Variants in TOGARAM2 observed in about 807,000 individuals in gnomAD.
TOGARAM2 encodes the protein TOG array regulator of axonemal microtubules 2.
TOGARAM2 carries 85 observed loss-of-function variants against 93.3 expected under a neutral mutation model. The ratio of observed to expected loss-of-function variants is 0.91; its 90% confidence interval spans 0.76 to 1.09. The LOEUF is 1.09. Ranked by LOEUF, TOGARAM2 falls within the 50% of genes least tolerant of loss-of-function variation. TOGARAM2 has a pLI of 0.00. For synonymous variants in TOGARAM2, 593 were observed against 552.8 expected, an observed-to-expected ratio of 1.07 and a Z score of -1.02; for missense variants, 1,277 against 1,334.5, an observed-to-expected ratio of 0.96 and a Z score of 0.67.
intron 4 of TOGARAM2, among the ~76,000 whole-genome samples, chr2:28,999,842 G>GC (rs1420614764): frequency 2.0e-5 from 3 of 152,170 alleles, no homozygotes; most frequent in Non-Finnish European, 2.9e-5. Flanking sequence ...AGACCTTCTG[G>GC]CCCTGGCCTC....
chr2:29,045,266 C>T (rs1329110797), intron 18 of TOGARAM2, 58 bp from the exon 19 acceptor site: 2 of 1,427,298 alleles, frequency 1.4e-6, no homozygotes, highest in Middle Eastern at 2.5e-4. Flanking sequence ...CTGCAAACCC[C>T]TAGTGCTGTC....
In TOGARAM2 at chr2:29,035,552, C is replaced by T. The variant is rs113612749; in HGVS notation, c.2314C>T (p.Arg772Trp). ...EMVEQLRELT[R>W]LLEAKDFRSR... ...GGTGGAGCAGCTACGGGAGCTGACA[C>T]GGCTGCTGGAGGCCAAGGACTTCCG... The change falls in exon 17 of 20, where the codon CGG (arginine) becomes TGG (tryptophan). Residue 772 changes from arginine (R) to tryptophan (W), a missense_variant. Physicochemically the swap from Arg to Trp is moderately radical, Grantham distance 101. Transcript: ENST00000379558. 1.1e-5 allele frequency: 17 copies of T among 1,584,894 alleles called. No individual in the cohort carries two copies. The highest frequency in any genetic ancestry group is 7.0e-5 in the South Asian group (6 of 86,020).
At chr2:28,993,682 A>AGCTGGGCTGGGT (rs753034996) in intron 1 of TOGARAM2, among the ~76,000 whole-genome samples, 16 of 152,162 alleles carry the variant, frequency 1.1e-4, no homozygotes, top group South Asian at 2.1e-4. Flanking sequence ...GCTGGGGCCA[A>AGCTGGGCTGGGT]GCTGGGCTGG....
intron 2 of TOGARAM2, among the ~76,000 whole-genome samples, chr2:28,996,682 G>T (rs1572655876): frequency 6.6e-6 from 1 of 151,372 alleles, no homozygotes. Flanking sequence ...AATTAGCTGG[G>T]CATGGTGGCA....
At chr2:29,025,342 A>G (rs1665282295) in intron 13 of TOGARAM2, among the ~76,000 whole-genome samples, 2 of 152,188 alleles carry the variant, frequency 1.3e-5, no homozygotes, top group South Asian at 4.1e-4. Flanking sequence ...CATTCCTGAC[A>G]TTCACTGAGT....
rs566215527 is a variant in TOGARAM2 at position 28,959,642 on chromosome 2, A to G, written c.-147+2945A>G. ...GTGGCGGGCGCCTGTAGTCCCAGCT[A>G]CTCAGGAGGCTGAGGCAGTGAACCT... On this transcript the variant is annotated intron_variant, in intron 1 of 6. Coordinates refer to the TOGARAM2 transcript ENST00000401723. Among the ~76,000 whole-genome samples the G allele has an allele frequency of 2.0e-5, 3 of 152,090 alleles. No individual in the cohort carries two copies. The South Asian group carries it at 6.2e-4, about 32-fold the overall frequency.
rs563185617 is a variant in TOGARAM2, at chr2:29,027,877, C to T, written c.2012+866C>T. On this transcript the variant is annotated intron_variant, in intron 14 of 19. Coordinates refer to ENST00000379558, the MANE Select transcript of TOGARAM2 (RefSeq NM_199280.4). Reference sequence around the variant, plus strand: ...CAAGCTTGGTGTCCAAGGGTGGGGACGGCCAGCCTGGTGGAGCACAGTGAG... The same window carrying T: ...CAAGCTTGGTGTCCAAGGGTGGGGATGGCCAGCCTGGTGGAGCACAGTGAG... 1.8e-4 allele frequency among the ~76,000 whole-genome samples: 25 copies of T among 142,730 alleles called. No individual in the cohort carries two copies. In the South Asian group the frequency reaches 4.7e-3, roughly 27 times the overall value. The allele number at this position is 142,730 out of a possible 152,430, so 93.6% of individuals were successfully genotyped here.
intron 19 of TOGARAM2, chr2:29,050,000 A>G (rs1299962461): frequency 6.6e-6 from 1 of 152,142 alleles, no homozygotes; most frequent in Non-Finnish European, 1.5e-5. Context: ...GTGGGGCTCT[A>G]AGGGGAAGGT....
At chr2:28,976,963 CA>C (rs1398199130), upstream of TOGARAM2, among the ~76,000 whole-genome samples, 2 of 152,162 alleles carry the variant, frequency 1.3e-5, no homozygotes, top group African/African-American at 4.8e-5. Flanking sequence ...TAAGCCAGCA[CA>C]GTGTCAGTCT....
rs1429096848 is a variant in TOGARAM2, at chr2:29,036,591, C to A, written c.2469C>A (p.Asn823Lys). The part of the protein sequence containing the change: ...PRLQDSNKKV[N>K]QWALESFAKM... The stretch of plus-strand genomic sequence containing the variant: ...TTCAGGATTCCAACAAGAAAGTGAA[C>A]CAGTGGGCGCTGGAGTCCTTCGCCA... Residue 823 changes from asparagine to lysine, a missense_variant, in exon 18 of 20, where the codon AAC becomes AAA. Physicochemically the swap from Asn to Lys is moderately conservative, Grantham distance 94. Transcript: ENST00000379558. 1 of 1,613,874 alleles carries A rather than the reference C, an allele frequency of 6.2e-7. No homozygotes were observed. The highest frequency in any genetic ancestry group is 1.3e-5 in the African/African-American group (1 of 74,898).
rs970013791 is a variant in TOGARAM2, at chr2:28,984,898, G to T, written c.-111+3360G>T. ...GTGACCATTTTGGGGAGGCCTTGAT[G>T]GGAAGCTGGAAAAGGAAGCTTTCCT... On this transcript the variant is annotated intron_variant, in intron 1 of 19. Transcript: ENST00000379558. 4.6e-5 allele frequency among the ~76,000 whole-genome samples: 7 copies of T among 152,190 alleles called. 2 individuals are homozygous for T. Among genetic ancestry groups the T allele is most frequent in the Non-Finnish European group, 1.0e-4 (7 of 68,028 alleles).
At chr2:28,978,135 G>A (rs1672063697), upstream of TOGARAM2, among the ~76,000 whole-genome samples, 1 of 152,146 alleles carries the variant, frequency 6.6e-6, no homozygotes, top group Non-Finnish European at 1.5e-5. Context: ...TCGAACCCCT[G>A]GCCTCAGGTG....
At chr2:29,024,079 T>C in intron 12 of TOGARAM2, 60 bp from the exon 13 acceptor site, 1 of 1,427,322 alleles carries the variant, frequency 7.0e-7, no homozygotes, top group Non-Finnish European at 9.6e-7. Context: ...CCATTTTCCA[T>C]GCGTCCCAGA....
intron 12 of TOGARAM2, 63 bp from the exon 13 acceptor site, chr2:29,024,076 C>T: frequency 7.1e-7 from 1 of 1,408,520 alleles, no homozygotes; most frequent in African/African-American, 1.4e-5. Context: ...GGCCCATTTT[C>T]CATGCGTCCC....
intron 8 of TOGARAM2, among the ~76,000 whole-genome samples, chr2:29,016,128 G>A (rs904139143): frequency 2.0e-5 from 3 of 152,062 alleles, no homozygotes; most frequent in Admixed American, 6.6e-5. Flanking sequence ...CTCCCCAGGG[G>A]CCCACTCAAC....
intron 17 of TOGARAM2, among the ~76,000 whole-genome samples, 188 bp downstream of exon 17, chr2:29,035,844 A>G (rs376246659): frequency 1.2e-4 from 19 of 152,368 alleles, no homozygotes; most frequent in African/African-American, 4.3e-4. Flanking sequence ...CAGCTTGGAA[A>G]TGCTCAGAGA....
At chr2:29,039,168 G>C (rs550030567) in intron 18 of TOGARAM2, among the ~76,000 whole-genome samples, 19 of 152,284 alleles carry the variant, frequency 1.2e-4, no homozygotes, top group Middle Eastern at 3.4e-3. Flanking sequence ...GTGGTTTCTT[G>C]GGGGACCTTT....
intron 10 of TOGARAM2, among the ~76,000 whole-genome samples, chr2:29,019,345 A>G (rs6547904): frequency 0.063 from 9,625 of 151,672 alleles, 976 homozygotes; most frequent in African/African-American, 0.22. Flanking sequence ...TAATTTCTGT[A>G]TTTTAGTAGA....
chr2:28,958,779 C>T (rs905569306), intron 1 of TOGARAM2, among the ~76,000 whole-genome samples: 6 of 152,148 alleles, frequency 3.9e-5, no homozygotes, highest in South Asian at 2.1e-4. Context: ...ATAATACAAA[C>T]GTCAATATAA....
Sources: allele counts gnomAD v4.1 joint callset (sites outside exome capture counted in the v4.1 genomes callset), GRCh38; gene constraint gnomAD v4.1.1; transcripts MANE v1.5; gene names NCBI Gene and HGNC (gene_info 2026-07-23, HGNC 2026-07-21).